Variants in THSD7A observed in about 807,000 individuals in gnomAD.
THSD7A encodes the protein thrombospondin type 1 domain containing 7A.
THSD7A carries 96 observed loss-of-function variants against 231.3 expected under a neutral mutation model. The ratio of observed to expected loss-of-function variants is 0.41; its 90% CI spans 0.35 to 0.49. The LOEUF is 0.49. THSD7A is among the 20% of genes least tolerant of loss of function. The probability of loss-of-function intolerance (pLI) is 0.05; values close to 1 mark genes in which losing one functional copy is unlikely to be tolerated. For missense variants in THSD7A, 2,290 were observed against 2,070.2 expected, an observed-to-expected ratio of 1.11 and a Z score of -2.06; for synonymous variants, 940 against 743.3, an observed-to-expected ratio of 1.26 and a Z score of -4.30.
At chr7:11,723,217 A>G (rs941810502) in intron 1 of THSD7A, among the ~76,000 whole-genome samples, 2 of 151,720 alleles carry the variant, frequency 1.3e-5, no homozygotes, top group African/African-American at 4.8e-5. Flanking sequence ...TCAGCAAACT[A>G]TCGCAAGGAC....
intron 1 of THSD7A, among the ~76,000 whole-genome samples, chr7:11,736,074 A>G (rs1003071616): frequency 6.6e-6 from 1 of 151,960 alleles, no homozygotes; most frequent in African/African-American, 2.4e-5. Flanking sequence ...CCTAATGTAT[A>G]CTAGATTTTC....
chr7:11,472,462 G>A (rs1457002266), intron 8 of THSD7A, among the ~76,000 whole-genome samples: 1 of 152,106 alleles, frequency 6.6e-6, no homozygotes, highest in Admixed American at 6.6e-5. Context: ...TAGCATGTAG[G>A]GAGAAAGGCA....
chr7:11,490,474 G>A (rs1362270621), intron 6 of THSD7A, among the ~76,000 whole-genome samples: 1 of 152,062 alleles, frequency 6.6e-6, no homozygotes, highest in Non-Finnish European at 1.5e-5. Context: ...AAAAGGGTAT[G>A]TGTGTACTCT....
At chr7:11,455,293 T>C (rs976779148) in intron 11 of THSD7A, among the ~76,000 whole-genome samples, 1 of 152,084 alleles carries the variant, frequency 6.6e-6, no homozygotes, top group African/African-American at 2.4e-5. Context: ...TGATCTATAG[T>C]GTTTTGTTAT....
At chr7:11,663,941 T>A (rs974077810) in intron 1 of THSD7A, among the ~76,000 whole-genome samples, 4 of 151,656 alleles carry the variant, frequency 2.6e-5, no homozygotes, top group Admixed American at 2.0e-4. Flanking sequence ...AATTTTGATA[T>A]TTTTCCCTTA....
At chr7:11,524,956 T>C (rs546011828) in intron 6 of THSD7A, among the ~76,000 whole-genome samples, 1 of 152,374 alleles carries the variant, frequency 6.6e-6, no homozygotes, top group East Asian at 1.9e-4. Flanking sequence ...GCAGGGAACC[T>C]GCCTTGCCTT....
At chr7:11,734,659 AT>A (rs1781846546) in intron 1 of THSD7A, among the ~76,000 whole-genome samples, 1 of 151,794 alleles carries the variant, frequency 6.6e-6, no homozygotes, top group African/African-American at 2.4e-5. Context: ...TAATGACCTT[AT>A]TTTGCTACTA....
intron 1 of THSD7A, among the ~76,000 whole-genome samples, chr7:11,769,884 T>C (rs1783168077): frequency 6.6e-6 from 1 of 152,196 alleles, no homozygotes; most frequent in South Asian, 2.1e-4. Flanking sequence ...TTCAAGTATC[T>C]TGAAAATTAA....
At chr7:11,818,099 G>A (rs984502417) in intron 1 of THSD7A, among the ~76,000 whole-genome samples, 3 of 152,126 alleles carry the variant, frequency 2.0e-5, no homozygotes, top group South Asian at 2.1e-4. Context: ...GTCACCATTT[G>A]TGTTCTGATA....
chr7:11,407,305 C>A lies in THSD7A; in HGVS notation c.3916+1G>T. 1.9e-6 allele frequency: 3 copies of A among 1,610,946 alleles called. No homozygotes were observed. Among genetic ancestry groups the A allele is most frequent in the Non-Finnish European group, 2.5e-6 (3 of 1,178,260 alleles). ...TAATATAAGTTATGGTACAAACAAACCTGTGAGGCCACATGTTTGAGAACA... is the reference window on the plus strand; with the variant it reads ...TAATATAAGTTATGGTACAAACAAAACTGTGAGGCCACATGTTTGAGAACA... On this transcript the variant is annotated splice_donor_variant, in intron 20 of 27. Coordinates refer to ENST00000423059, the MANE Select transcript of THSD7A (RefSeq NM_015204.3). LOFTEE classifies it high-confidence loss of function.
At chr7:11,556,723 G>C (rs142466368) in intron 4 of THSD7A, among the ~76,000 whole-genome samples, 14 of 151,826 alleles carry the variant, frequency 9.2e-5, no homozygotes, top group Non-Finnish European at 1.8e-4. Flanking sequence ...ATTCTTGAAA[G>C]ATATTTTCTC....
chr7:11,560,413 T>C (rs2107479), intron 4 of THSD7A, among the ~76,000 whole-genome samples: 35,179 of 152,070 alleles, frequency 0.23, 4,594 homozygotes, highest in Admixed American at 0.41. Flanking sequence ...TCTGTGACTA[T>C]GATGGAGTGA....
In THSD7A at chr7:11,795,183, T is replaced by C. The variant is rs537415033; in HGVS notation, c.190+36574A>G. Among the ~76,000 whole-genome samples, 14 of 152,056 alleles carry C rather than the reference T, an allele frequency of 9.2e-5. No homozygotes were observed. The East Asian group carries it at 1.7e-3, about 19-fold the overall frequency. Reference sequence around the variant, plus strand: ...CTTTCTGTTTCAAAAAATTACAGCATTCTAAGTGAAATTAGCATCCCAAAA... The same window carrying C: ...CTTTCTGTTTCAAAAAATTACAGCACTCTAAGTGAAATTAGCATCCCAAAA... On this transcript the variant is annotated intron_variant, in intron 1 of 27. Transcript: ENST00000423059.
At chr7:11,670,070 C>T (rs1783316034) in intron 1 of THSD7A, among the ~76,000 whole-genome samples, 1 of 152,060 alleles carries the variant, frequency 6.6e-6, no homozygotes, top group African/African-American at 2.4e-5. Flanking sequence ...TAACATTTAA[C>T]AGGCGTGCAA....
chr7:11,525,838 A>G (rs1788450398), intron 6 of THSD7A, among the ~76,000 whole-genome samples: 1 of 152,210 alleles, frequency 6.6e-6, no homozygotes, highest in South Asian at 2.1e-4. Flanking sequence ...CATAAAACAA[A>G]GACTCTAAAA....
rs557603240 is a variant in THSD7A at position 11,630,835 on chromosome 7, G to A, written c.1022+5295C>T. ...ATCCTTGTTCCTTGCTCTTCAATAC[G>A]CAGATTTGGTTCTTCATTTGAGGAG... On this transcript the variant is annotated intron_variant, in intron 2 of 27. Transcript: ENST00000423059. Among the ~76,000 whole-genome samples, 42 of 152,236 alleles carry A rather than the reference G, an allele frequency of 2.8e-4. 2 individuals are homozygous for A. The South Asian group carries it at 5.8e-3, about 21-fold the overall frequency.
At chr7:11,635,092 A>G (rs576702494) in intron 2 of THSD7A, among the ~76,000 whole-genome samples, 1 of 152,312 alleles carries the variant, frequency 6.6e-6, no homozygotes, top group African/African-American at 2.4e-5. Context: ...TCCAGAGGCC[A>G]TAAGAAAAAC....
chr7:11,578,774 A>G (rs954411986), intron 4 of THSD7A, among the ~76,000 whole-genome samples: 1 of 152,200 alleles, frequency 6.6e-6, no homozygotes, highest in African/African-American at 2.4e-5. Flanking sequence ...AATAGAGGAA[A>G]AGCAAAAGAA....
At chr7:11,808,713 T>C (rs1490092523) in intron 1 of THSD7A, among the ~76,000 whole-genome samples, 1 of 152,162 alleles carries the variant, frequency 6.6e-6, no homozygotes, top group Non-Finnish European at 1.5e-5. Context: ...AGTACATGTA[T>C]AAACTATAAT....
Sources: gnomAD v4.1 joint callset for allele counts (sites outside exome capture counted in the v4.1 genomes callset) on GRCh38, gnomAD v4.1.1 for gene constraint, MANE v1.5 for transcripts, NCBI Gene and HGNC (gene_info 2026-07-23, HGNC 2026-07-21) for gene names.